CPNE8: variants seen among roughly 807,000 people sequenced by gnomAD.
CPNE8 encodes copine 8, also known as copine-8.
CPNE8 carries 45 observed loss-of-function variants against 81.5 expected under a neutral mutation model. That is an observed-to-expected ratio of 0.55 (90% confidence interval 0.44 to 0.71). The LOEUF (loss-of-function observed/expected upper bound fraction) is 0.71, where lower values mean the gene tolerates loss of function less well. Ranked by LOEUF, CPNE8 falls within the 30% of genes least tolerant of loss-of-function variation. The probability of loss-of-function intolerance (pLI) is 0.00; values close to 1 mark genes in which losing one functional copy is unlikely to be tolerated. For synonymous variants in CPNE8, 252 were observed against 226.3 expected, an observed-to-expected ratio of 1.11 and a Z score of -1.02; for missense variants, 594 against 672.1, an observed-to-expected ratio of 0.88 and a Z score of 1.28.
chr12:38,733,315 A>AT (rs1168691652), intron 10 of CPNE8, among the ~76,000 whole-genome samples: 3 of 151,848 alleles, frequency 2.0e-5, no homozygotes, highest in Non-Finnish European at 4.4e-5. Context: ...TATTAAAGGT[A>AT]TTTTTCACTG....
At chr12:38,691,194 T>TA (rs1210297106) in intron 15 of CPNE8, among the ~76,000 whole-genome samples, 7 of 152,156 alleles carry the variant, frequency 4.6e-5, no homozygotes, top group African/African-American at 1.7e-4. Context: ...TAGCTGTAGT[T>TA]AAGAGCATGA....
At chr12:38,885,220 T>A (rs1376784442) in intron 1 of CPNE8, among the ~76,000 whole-genome samples, 1 of 152,158 alleles carries the variant, frequency 6.6e-6, no homozygotes, top group African/African-American at 2.4e-5. Context: ...ATTTGTTACA[T>A]ATATCATATA....
chr12:38,850,863 T>C (rs1440896019), intron 3 of CPNE8, among the ~76,000 whole-genome samples: 2 of 152,374 alleles, frequency 1.3e-5, no homozygotes, highest in African/African-American at 4.8e-5. Flanking sequence ...ATTTCATCTG[T>C]TCCTGCTATA....
intron 15 of CPNE8, among the ~76,000 whole-genome samples, chr12:38,687,255 CTG>C (rs1939552391): frequency 6.6e-6 from 1 of 152,028 alleles, no homozygotes; most frequent in African/African-American, 2.4e-5. Context: ...AACTTTGATA[CTG>C]TGTCTAAGGT....
At chr12:38,713,050 T>C (rs1284514498) in intron 13 of CPNE8, among the ~76,000 whole-genome samples, 3 of 152,192 alleles carry the variant, frequency 2.0e-5, no homozygotes, top group African/African-American at 7.2e-5. Flanking sequence ...ATAATCATTG[T>C]TATTCATATT....
At chr12:38,903,957 A>T (rs1944525779) in intron 1 of CPNE8, among the ~76,000 whole-genome samples, 1 of 152,188 alleles carries the variant, frequency 6.6e-6, no homozygotes, top group South Asian at 2.1e-4. Flanking sequence ...CAATCAGGTG[A>T]TATAGTTTCA....
chr12:38,796,796 A>T (rs1296381584), intron 6 of CPNE8, among the ~76,000 whole-genome samples: 1 of 149,312 alleles, frequency 6.7e-6, no homozygotes, highest in Non-Finnish European at 1.5e-5. Flanking sequence ...TCCTAGTCAA[A>T]GAAAGGGGTG....
chr12:38,842,007 C>A (rs1400898338), intron 4 of CPNE8, among the ~76,000 whole-genome samples: 2 of 149,170 alleles, frequency 1.3e-5, no homozygotes, highest in Non-Finnish European at 3.0e-5. Flanking sequence ...TATTTTCATA[C>A]TTTAATAATT....
chr12:38,898,992 G>T (rs1247764979), intron 1 of CPNE8, among the ~76,000 whole-genome samples: 1 of 152,022 alleles, frequency 6.6e-6, no homozygotes, highest in Non-Finnish European at 1.5e-5. Flanking sequence ...GAAAAGGAGA[G>T]GGAGAAATTT....
chr12:38,822,673 CT>C (rs1943125718), intron 6 of CPNE8, among the ~76,000 whole-genome samples: 1 of 152,194 alleles, frequency 6.6e-6, no homozygotes, highest in African/African-American at 2.4e-5. Context: ...CCAGGTCTGA[CT>C]GCTCCCAAAG....
chr12:38,674,816 A>T (rs1056509490), intron 18 of CPNE8, among the ~76,000 whole-genome samples: 3 of 152,190 alleles, frequency 2.0e-5, no homozygotes, highest in African/African-American at 7.2e-5. Context: ...GAATCACCTC[A>T]GTGATAATTA....
chr12:38,894,125 T>C (rs12424853), intron 1 of CPNE8, among the ~76,000 whole-genome samples: 6,658 of 152,178 alleles, frequency 0.044, 174 homozygotes, highest in East Asian at 0.13. Flanking sequence ...TCCAGTGAAG[T>C]GGCATGATTG....
chr12:38,687,384 T>C (rs968228598), intron 15 of CPNE8, among the ~76,000 whole-genome samples: 33 of 145,784 alleles, frequency 2.3e-4, no homozygotes, highest in African/African-American at 7.9e-4. Flanking sequence ...CTTTTTTTTT[T>C]TTTTTTTTTT....
At chr12:38,900,763 AT>A (rs1407886971) in intron 1 of CPNE8, among the ~76,000 whole-genome samples, 2 of 152,184 alleles carry the variant, frequency 1.3e-5, no homozygotes, top group Non-Finnish European at 2.9e-5. Context: ...TATGGCACAC[AT>A]CTGTTTATCA....
intron 6 of CPNE8, among the ~76,000 whole-genome samples, chr12:38,812,187 T>C (rs1942949367): frequency 6.6e-6 from 1 of 152,136 alleles, no homozygotes; most frequent in Non-Finnish European, 1.5e-5. Context: ...TGAGTACAAA[T>C]AGGCAAGTTG....
intron 3 of CPNE8, among the ~76,000 whole-genome samples, chr12:38,862,259 T>TTA (rs34475078): frequency 0.055 from 8,328 of 151,192 alleles, 749 homozygotes; most frequent in African/African-American, 0.19. Context: ...ATACATATTA[T>TTA]TATATATATT....
chr12:38,857,627 G>T (rs141289499), intron 3 of CPNE8, among the ~76,000 whole-genome samples: 17 of 152,244 alleles, frequency 1.1e-4, no homozygotes, highest in Non-Finnish European at 7.4e-5. Flanking sequence ...AAATAAGAGG[G>T]TTAGGCTAGA....
At chr12:38,905,631 T>TGGAGGCAGAAGAAGGAGGC, upstream of CPNE8, 2 of 1,508,088 alleles carry the variant, frequency 1.3e-6, no homozygotes, top group East Asian at 2.5e-5. Flanking sequence ...GGGTTGAGGG[T>TGGAGGCAGAAGAAGGAGGC]GGAGGCAGAA....
chr12:38,858,885 C>A (rs760871863), intron 3 of CPNE8, among the ~76,000 whole-genome samples: 1 of 152,086 alleles, frequency 6.6e-6, no homozygotes, highest in Non-Finnish European at 1.5e-5. Flanking sequence ...TCAATAGACA[C>A]AGAAAAAGCA....
Sources: allele counts gnomAD v4.1 joint callset (sites outside exome capture counted in the v4.1 genomes callset), GRCh38; gene constraint gnomAD v4.1.1; transcripts MANE v1.5; gene names NCBI Gene and HGNC (gene_info 2026-07-23, HGNC 2026-07-21).